The following CTR9 variants were observed in gnomAD, a reference collection of about 807,000 sequenced individuals.
CTR9 encodes CTR9 component of Paf1/RNA polymerase II complex.
A neutral mutation model predicts 152.1 loss-of-function variants in CTR9; 41 were observed. The ratio of observed to expected loss-of-function variants is 0.27; its 90% CI spans 0.21 to 0.35. CTR9 has a LOEUF of 0.35. Among genes scored for constraint, CTR9 ranks in the 10% least tolerant of loss-of-function variants. The pLI is 1.00. For missense variants in CTR9, 917 were observed against 1,424.4 expected (o/e 0.64, Z 5.73); for synonymous variants, 476 against 496.2 (o/e 0.96, Z 0.54).
chr11:10,769,599 G>A (rs908197835), intron 16 of CTR9, among the ~76,000 whole-genome samples: 9 of 152,142 alleles, frequency 5.9e-5, no homozygotes, highest in South Asian at 4.1e-4. Flanking sequence ...GAATGATAAT[G>A]TTGTCTTTTA....
intron 5 of CTR9, among the ~76,000 whole-genome samples, chr11:10,758,358 G>A (rs1304089362): frequency 6.6e-6 from 1 of 152,110 alleles, no homozygotes; most frequent in Non-Finnish European, 1.5e-5. Flanking sequence ...GCAGGTCAGA[G>A]GTGATTGTGG....
At chr11:10,773,103 CT>C in intron 20 of CTR9, 23 bp from the exon 21 acceptor site, 1 of 1,582,732 alleles carries the variant, frequency 6.3e-7, no homozygotes, top group Non-Finnish European at 8.5e-7. Flanking sequence ...AGTGGGGTTT[CT>C]TTTCTACCAT....
Position 10,774,001 on chromosome 11 carries a change from T to C in CTR9, c.2728-11T>C, listed in dbSNP as rs1270088296. 6.2e-7 allele frequency: 1 copy of C among 1,605,266 alleles called. No homozygotes were observed. Among genetic ancestry groups the C allele is most frequent in the Non-Finnish European group, 8.5e-7 (1 of 1,174,886 alleles). On this transcript the variant is annotated splice_polypyrimidine_tract_variant and intron_variant, in intron 21 of 24. Coordinates refer to ENST00000361367, the MANE Select transcript of CTR9 (RefSeq NM_014633.5). ...AGGAAATAACTGACTATAGTGTTGTTTGGATTTTAGCGTTCTAAGAAGGGA... is the reference window on the plus strand; with the variant it reads ...AGGAAATAACTGACTATAGTGTTGTCTGGATTTTAGCGTTCTAAGAAGGGA...
Position 10,767,782 on chromosome 11 carries a change from C to T in CTR9, c.1687-24C>T. The T allele has an allele frequency of 6.2e-7, 1 of 1,610,062 alleles. No individual in the cohort carries two copies. Among genetic ancestry groups the T allele is most frequent in the Non-Finnish European group, 8.5e-7 (1 of 1,177,150 alleles). ...CTGTCAAACTAAACTGCAGATTTTC[C>T]TTCTTCATGTATGTATGTTTCAGGA... is the stretch of plus-strand genomic sequence containing the variant. On this transcript the variant is annotated intron_variant, in intron 13 of 24. Coordinates refer to ENST00000361367, the MANE Select transcript of CTR9 (RefSeq NM_014633.5). The surrounding 1 kb of genome is among the most constrained non-coding windows in gnomAD (Gnocchi z 4.0).
At position 10,767,736 on chromosome 11, in the gene CTR9, TTG is replaced by T. The variant is rs1863081949; in HGVS notation, c.1687-67_1687-66del. The T allele has an allele frequency of 2.3e-6, 3 of 1,290,478 alleles. No homozygotes were observed. The East Asian group carries it at 6.9e-5, about 30-fold the overall frequency. The allele number at this position is 1,290,478 out of a possible 1,614,324, so 79.9% of individuals were successfully genotyped here. A position where few individuals can be genotyped will look rare whatever the true frequency, so the allele number is the denominator to read the frequency against. On this transcript the variant is annotated intron_variant, in intron 13 of 24. Coordinates refer to ENST00000361367, the MANE Select transcript of CTR9 (RefSeq NM_014633.5). This position sits in a 1 kb window ranked among gnomAD's most constrained non-coding sequence, Gnocchi z 4.0. ...TGTAAACCTCTTCAGTAATCAGCTA[TTG>T]TGGGAAGATGATTGATCTCTGTCAA...
rs770597663 is a variant in CTR9 at position 10,755,683 on chromosome 11, T to C, written c.390T>C (p.His130=). The C allele has an allele frequency of 1.9e-6, 3 of 1,602,960 alleles. No individual in the cohort carries two copies. Among genetic ancestry groups the C allele is most frequent in the Non-Finnish European group, 2.6e-6 (3 of 1,170,260 alleles). The change falls in exon 4 of 25, where the codon CAT becomes CAC. Residue 130 remains histidine, a synonymous_variant. Transcript: ENST00000361367. ...ADKIIMYDQN[H]LLGRACFCLL... is the part of the protein sequence containing the mutation. ...GATAATACATTACTTCATAGAACCA[T>C]TTGTTGGGAAGAGCCTGCTTCTGCC... is the stretch of plus-strand genomic sequence containing the variant.
At chr11:10,761,917 A>G (rs747052740) in intron 6 of CTR9, 30 bp from the exon 7 acceptor site, 2 of 1,427,056 alleles carry the variant, frequency 1.4e-6, no homozygotes, top group Admixed American at 2.1e-5. Context: ...TATTGTTTTC[A>G]CTCCACCTTG....
chr11:10,751,712 A>G (rs1862805013), intron 1 of CTR9, among the ~76,000 whole-genome samples: 1 of 152,140 alleles, frequency 6.6e-6, no homozygotes, highest in Non-Finnish European at 1.5e-5. Context: ...TTCGAATTTG[A>G]CAGTGCGCTA....
chr11:10,759,590 A>C (rs1046829989), intron 5 of CTR9, among the ~76,000 whole-genome samples: 3 of 152,256 alleles, frequency 2.0e-5, no homozygotes, highest in Non-Finnish European at 4.4e-5. Flanking sequence ...GATTTGTATA[A>C]GATGGCAGAA....
intron 4 of CTR9, among the ~76,000 whole-genome samples, chr11:10,756,349 C>G (rs1862883728): frequency 1.3e-5 from 2 of 152,140 alleles, no homozygotes; most frequent in African/African-American, 4.8e-5. Flanking sequence ...TATTTCATCA[C>G]TTAGGTATTA....
At chr11:10,775,357 G>A in intron 23 of CTR9, 54 bp downstream of exon 23, 1 of 1,488,096 alleles carries the variant, frequency 6.7e-7, no homozygotes, top group South Asian at 1.2e-5. Flanking sequence ...AAAGATTGCA[G>A]TACACTAGAA....
intron 2 of CTR9, 113 bp downstream of exon 2, chr11:10,752,883 G>A (rs1862827749): frequency 1.3e-6 from 1 of 755,230 alleles, no homozygotes; most frequent in African/African-American, 1.7e-5. Context: ...GTTATACCAT[G>A]TGTATGGAAG....
At chr11:10,775,709 A>T in intron 24 of CTR9, 76 bp downstream of exon 24, 1 of 916,354 alleles carries the variant, frequency 1.1e-6, no homozygotes, top group Non-Finnish European at 1.6e-6. Flanking sequence ...GCCTGTCTGT[A>T]CTAAGAAAAA....
At chr11:10,759,615 T>A (rs1003987825) in intron 5 of CTR9, among the ~76,000 whole-genome samples, 22 of 152,172 alleles carry the variant, frequency 1.4e-4, no homozygotes, top group Admixed American at 1.2e-3. Context: ...TATGTGTAGA[T>A]GAGAATGAAT....
At chr11:10,772,757 C>A in intron 20 of CTR9, 102 bp downstream of exon 20, 1 of 1,204,832 alleles carries the variant, frequency 8.3e-7, no homozygotes. Flanking sequence ...TGGTGGCTGA[C>A]ACCTCTAATT....
chr11:10,764,483 A>G, intron 11 of CTR9, 47 bp downstream of exon 11: 2 of 833,266 alleles, frequency 2.4e-6, no homozygotes, highest in Admixed American at 3.0e-5. Flanking sequence ...ATCAAGTTGC[A>G]TGCACACCTT....
At chr11:10,774,222 CT>C in intron 22 of CTR9, 53 bp downstream of exon 22, 1 of 1,530,260 alleles carries the variant, frequency 6.5e-7, no homozygotes, top group Non-Finnish European at 8.7e-7. Context: ...GGTGAAAGAC[CT>C]TTTACCTTCT....
chr11:10,774,809 AG>A (rs1165203801), intron 22 of CTR9, among the ~76,000 whole-genome samples: 2 of 152,212 alleles, frequency 1.3e-5, no homozygotes, highest in African/African-American at 4.8e-5. Context: ...ATTAAGACAC[AG>A]ACTTGTGGAA....
At chr11:10,757,108 G>T (rs1862897492) in intron 5 of CTR9, among the ~76,000 whole-genome samples, 1 of 151,886 alleles carries the variant, frequency 6.6e-6, no homozygotes, top group Non-Finnish European at 1.5e-5. Flanking sequence ...AACGTAGTAA[G>T]ACCCTGTCTC....
Sources: gnomAD v4.1 joint callset for allele counts (sites outside exome capture counted in the v4.1 genomes callset) on GRCh38, gnomAD v4.1.1 for gene constraint, Gnocchi (gnomAD v3.1) non-coding constraint, MANE v1.5 for transcripts, NCBI Gene and HGNC (gene_info 2026-07-23, HGNC 2026-07-21) for gene names.